Variants in DAB1 observed in about 807,000 individuals in gnomAD.
DAB1 encodes the protein DAB adaptor protein 1.
Under a neutral mutation model 64.6 loss-of-function variants are expected in DAB1, and 15 were observed. The ratio of observed to expected loss-of-function variants is 0.23; its 90% CI spans 0.16 to 0.36. The LOEUF (loss-of-function observed/expected upper bound fraction) is 0.36. Among genes scored for constraint, DAB1 ranks in the 10% least tolerant of loss-of-function variants. DAB1 has a pLI of 1.00. For synonymous variants in DAB1, 235 were observed against 251.9 expected, an observed-to-expected ratio of 0.93 and a Z score of 0.64; for missense variants, 596 against 706.7, an observed-to-expected ratio of 0.84 and a Z score of 1.78.
intron 2 of DAB1, among the ~76,000 whole-genome samples, chr1:57,188,016 G>A (rs1389642829): frequency 6.6e-6 from 1 of 152,188 alleles, no homozygotes; most frequent in Non-Finnish European, 1.5e-5. Flanking sequence ...GCAGGCACTA[G>A]TAAAGTGCCT....
chr1:57,646,087 A>G (rs1334834952), intron 7 of DAB1, among the ~76,000 whole-genome samples: 1 of 152,242 alleles, frequency 6.6e-6, no homozygotes, highest in East Asian at 1.9e-4. Flanking sequence ...TCTTGTTACC[A>G]TCTTATTATC....
At chr1:57,212,802 C>A (rs943029973) in intron 2 of DAB1, among the ~76,000 whole-genome samples, 2 of 152,086 alleles carry the variant, frequency 1.3e-5, no homozygotes, top group African/African-American at 4.8e-5. Context: ...CAAATAGGTG[C>A]CCTGTCTTTC....
At chr1:57,425,060 T>G (rs1174986423), upstream of DAB1, among the ~76,000 whole-genome samples, 1 of 152,190 alleles carries the variant, frequency 6.6e-6, no homozygotes, top group African/African-American at 2.4e-5. Context: ...CTGAAAATTC[T>G]TCCACCTTGA....
At chr1:57,640,231 G>A (rs11207082) in intron 7 of DAB1, among the ~76,000 whole-genome samples, 1,615 of 152,256 alleles carry the variant, frequency 0.011, 32 homozygotes, top group African/African-American at 0.038. Context: ...CATCTCTGAG[G>A]TTCCTTAGAT....
chr1:58,473,977 T>G, intron 3 of DAB1: 1 of 1,266,336 alleles, frequency 7.9e-7, no homozygotes. Flanking sequence ...AGCTGTCACA[T>G]GCACGTAAAT....
chr1:58,294,476 C>T (rs1661922676), intron 4 of DAB1, among the ~76,000 whole-genome samples: 1 of 151,926 alleles, frequency 6.6e-6, no homozygotes, highest in South Asian at 2.1e-4. Context: ...AATAAAGAAA[C>T]ATTTGTTGAG....
chr1:57,521,418 A>T (rs1384793057), intron 7 of DAB1, among the ~76,000 whole-genome samples: 1 of 151,890 alleles, frequency 6.6e-6, no homozygotes, highest in Non-Finnish European at 1.5e-5. Context: ...GAATCTTGGG[A>T]GTCTGGCAGG....
At chr1:57,049,853 G>A (rs1648994688) in intron 9 of DAB1, among the ~76,000 whole-genome samples, 1 of 152,162 alleles carries the variant, frequency 6.6e-6, no homozygotes, top group South Asian at 2.1e-4. Context: ...GCAGTAGTTG[G>A]AATTTGAATA....
intron 2 of DAB1, among the ~76,000 whole-genome samples, chr1:57,234,849 G>T (rs1276380908): frequency 2.6e-5 from 4 of 152,210 alleles, no homozygotes; most frequent in Non-Finnish European, 4.4e-5. Context: ...TGCTGACTAT[G>T]TGCTGGGGGC....
At chr1:57,669,717 C>T (rs1302017993) in intron 6 of DAB1, among the ~76,000 whole-genome samples, 2 of 152,150 alleles carry the variant, frequency 1.3e-5, no homozygotes, top group African/African-American at 4.8e-5. Context: ...TTTCTGTATG[C>T]CATGATTGTG....
chr1:58,218,045 T>C (rs1658948827), intron 4 of DAB1, among the ~76,000 whole-genome samples: 1 of 151,996 alleles, frequency 6.6e-6, no homozygotes, highest in Admixed American at 6.6e-5. Context: ...TGTATGTATG[T>C]ATTGTATATA....
At chr1:57,345,995 G>A (rs192266477) in intron 1 of DAB1, among the ~76,000 whole-genome samples, 45 of 152,282 alleles carry the variant, frequency 3.0e-4, no homozygotes, top group Non-Finnish European at 5.1e-4. Context: ...GGATATTATC[G>A]TCATCATTTA....
In DAB1 at chr1:57,227,519, T is replaced by TGTGTG; in HGVS notation, c.67+63444_67+63445insCACAC. On this transcript the variant is annotated intron_variant, in intron 2 of 14. Coordinates refer to ENST00000371236, the MANE Select transcript of DAB1 (RefSeq NM_001365792.1). ...AAGTGGAGGCAGGATTTTTTTTCTT[T>TGTGTG]TGTGTGTGTGTGTGTGTGTGTGTGT... is the stretch of plus-strand genomic sequence containing the variant. Among the ~76,000 whole-genome samples the TGTGTG allele has an allele frequency of 2.2e-5, 3 of 135,810 alleles. 1 individual carries two copies. Among genetic ancestry groups the TGTGTG allele is most frequent in the African/African-American group, 8.1e-5 (3 of 37,004 alleles). 89.1% of individuals were successfully genotyped at this position (135,810 alleles called of 152,430 possible).
chr1:57,525,059 T>A (rs908459692), intron 7 of DAB1, among the ~76,000 whole-genome samples: 1 of 152,096 alleles, frequency 6.6e-6, no homozygotes, highest in African/African-American at 2.4e-5. Context: ...AGGATAAAGG[T>A]AGAATAAAGA....
At chr1:58,374,455 G>A (rs1411001662) in intron 3 of DAB1, among the ~76,000 whole-genome samples, 1 of 151,278 alleles carries the variant, frequency 6.6e-6, no homozygotes, top group African/African-American at 2.4e-5. Flanking sequence ...CCCATTGCTT[G>A]TTTTTCTCAG....
chr1:57,817,516 T>C (rs564202559), intron 6 of DAB1, among the ~76,000 whole-genome samples: 56 of 152,326 alleles, frequency 3.7e-4, no homozygotes, highest in African/African-American at 1.0e-3. Flanking sequence ...AGGAGCTGCC[T>C]GGGGCTCTCA....
At chr1:58,011,583 C>T (rs776127775) in intron 5 of DAB1, among the ~76,000 whole-genome samples, 3 of 152,180 alleles carry the variant, frequency 2.0e-5, no homozygotes. Flanking sequence ...CTGATCTCTT[C>T]TCTCTTTTCC....
At chr1:57,362,757 A>T in intron 1 of DAB1, among the ~76,000 whole-genome samples, 1 of 152,128 alleles carries the variant, frequency 6.6e-6, no homozygotes, top group East Asian at 1.9e-4. Context: ...TACTCAGTTT[A>T]TGGCATTTTG....
intron 3 of DAB1, among the ~76,000 whole-genome samples, chr1:58,402,709 G>T (rs889121581): frequency 6.6e-6 from 1 of 152,112 alleles, no homozygotes; most frequent in Non-Finnish European, 1.5e-5. Context: ...CTTTTTCCGC[G>T]TTTATTTATG....
Sources: allele counts gnomAD v4.1 joint callset (sites outside exome capture counted in the v4.1 genomes callset), GRCh38; gene constraint gnomAD v4.1.1; transcripts MANE v1.5; gene names NCBI Gene and HGNC (gene_info 2026-07-23, HGNC 2026-07-21).